ITFG2: variants seen among roughly 807,000 people sequenced by gnomAD.
ITFG2 encodes KICSTOR complex protein ITFG2.
In ITFG2, 36 loss-of-function variants were observed where a neutral mutation model predicts 54.4. The ratio of observed to expected loss-of-function variants is 0.66; its 90% CI spans 0.51 to 0.87. The LOEUF is 0.87. Among genes scored for constraint, ITFG2 ranks in the 40% least tolerant of loss-of-function variants. The pLI is 0.00. For synonymous variants in ITFG2, 211 were observed against 225.4 expected (o/e 0.94, Z 0.57); for missense variants, 524 against 576.7 (o/e 0.91, Z 0.94).
chr12:2,855,531 A>C, intron 2 of ITFG2: 2 of 1,067,736 alleles, frequency 1.9e-6, no homozygotes, highest in Non-Finnish European at 2.5e-6. Context: ...TCTCCTTCCC[A>C]GGCACGACCT....
At chr12:2,819,823 C>A (rs114769357) in intron 4 of ITFG2, 1 of 305,368 alleles carries the variant, frequency 3.3e-6, no homozygotes, top group Non-Finnish European at 6.0e-6. Context: ...GTGGGAGATA[C>A]GTGGGATGAA....
intron 2 of ITFG2, chr12:2,855,380 TG>T: frequency 9.8e-7 from 1 of 1,022,512 alleles, no homozygotes; most frequent in Non-Finnish European, 1.3e-6. Flanking sequence ...CAGGACTCGC[TG>T]GGGAGGAAGA....
In ITFG2 at chr12:2,824,308, C is replaced by A; in HGVS notation, c.*115C>A. On this transcript the variant is annotated 3_prime_UTR_variant, in exon 12 of 12. Transcript: ENST00000228799. ...TGCATTACAGAAATGCAGGATTTGA[C>A]TCTGGGCATGAAAGATGGCAGCAGC... 1 of 1,111,114 alleles carries A rather than the reference C, an allele frequency of 9.0e-7. No homozygotes were observed. The highest frequency in any genetic ancestry group is 1.3e-6 in the Non-Finnish European group (1 of 745,542). The allele number at this position is 1,111,114 out of a possible 1,614,324, so 68.8% of individuals were successfully genotyped here.
In ITFG2 at chr12:2,857,213, G is replaced by T. The variant is rs28919878; in HGVS notation, n.301-799G>T. ...TACTTTTCAGGTTAGACAGGCAGGGGATAGCACTTTCTTCAAGTTCTGACT... is the reference window on the plus strand; with the variant it reads ...TACTTTTCAGGTTAGACAGGCAGGGTATAGCACTTTCTTCAAGTTCTGACT... On this transcript the variant is annotated intron_variant and non_coding_transcript_variant, in intron 2 of 3. Coordinates refer to the ITFG2 transcript ENST00000537710. 2,130 of 607,182 alleles carry T rather than the reference G, an allele frequency of 3.5e-3. 30 individuals are homozygous for T. The highest frequency in any genetic ancestry group is 0.035 in the African/African-American group (1,891 of 54,118). 37.6% of individuals were successfully genotyped at this position (607,182 alleles called of 1,614,324 possible). A position where few individuals can be genotyped will look rare whatever the true frequency, so the allele number is the denominator to read the frequency against.
chr12:2,820,176 A>T lies in ITFG2; in HGVS notation c.497A>T (p.His166Leu), dbSNP rs2097938455. Residue 166 changes from histidine (H) to leucine (L), a missense_variant, in exon 5 of 12, where the codon CAT (histidine) becomes CTT (leucine). By Grantham distance (99) the His-to-Leu change is moderately conservative (BLOSUM62 -3). Coordinates refer to ENST00000228799, the MANE Select transcript of ITFG2 (RefSeq NM_018463.4). ...RWEELGEGPE[H>L]LTGQLVSLKK... ...GAGGAGCTAGGTGAGGGTCCTGAACATCTGACAGGGCAGCTGGTGTCCCTC... is the reference window on the plus strand; with the variant it reads ...GAGGAGCTAGGTGAGGGTCCTGAACTTCTGACAGGGCAGCTGGTGTCCCTC... 2 of 1,613,656 alleles carry T rather than the reference A, an allele frequency of 1.2e-6. No homozygotes were observed. The highest frequency in any genetic ancestry group is 1.7e-6 in the Non-Finnish European group (2 of 1,179,856).
chr12:2,825,337 G>A (rs1301116316), downstream of ITFG2: 1 of 152,280 alleles, frequency 6.6e-6, no homozygotes, highest in African/African-American at 2.4e-5. Context: ...GACCAGAGAA[G>A]AACATCGACA....
At chr12:2,827,644 T>G, downstream of ITFG2, 1 of 1,614,196 alleles carries the variant, frequency 6.2e-7, no homozygotes. The surrounding 1 kb of genome is among the most constrained non-coding windows in gnomAD (Gnocchi z 4.0). Context: ...AAGCAGAGTC[T>G]GCAGGCCCAG....
At chr12:2,813,678 C>T (rs1176016936) in intron 1 of ITFG2, among the ~76,000 whole-genome samples, 1 of 152,116 alleles carries the variant, frequency 6.6e-6, no homozygotes, top group Non-Finnish European at 1.5e-5. Context: ...ATGCAAAGCA[C>T]TGTATTGCCC....
In ITFG2 at chr12:2,855,281, G is replaced by A. The variant is rs183531122; in HGVS notation, n.301-2731G>A. The A allele has an allele frequency of 3.5e-4, 539 of 1,519,188 alleles. 1 individual carries two copies. Among genetic ancestry groups the A allele is most frequent in the African/African-American group, 2.9e-3 (210 of 72,820 alleles). 94.1% of individuals were successfully genotyped at this position (1,519,188 alleles called of 1,614,324 possible). A position where few individuals can be genotyped will look rare whatever the true frequency, so the allele number is the denominator to read the frequency against. On this transcript the variant is annotated intron_variant and non_coding_transcript_variant, in intron 2 of 3. Transcript: ENST00000537710. Reference sequence around the variant, plus strand: ...CCACCCTTCCAAGGGTGGATGAGCCGCTGACGCACCTTGGACTTCATATCT... The same window carrying A: ...CCACCCTTCCAAGGGTGGATGAGCCACTGACGCACCTTGGACTTCATATCT...
chr12:2,854,808 G>T (rs1377754230), intron 2 of ITFG2: 9 of 1,343,656 alleles, frequency 6.7e-6, no homozygotes, highest in Admixed American at 2.5e-5. Context: ...GAAGGACAGA[G>T]TCCCGGTTAG....
chr12:2,819,481 A>G (rs2097934787), intron 4 of ITFG2, among the ~76,000 whole-genome samples: 1 of 151,818 alleles, frequency 6.6e-6, no homozygotes, highest in Non-Finnish European at 1.5e-5. Flanking sequence ...AAAAAAAAAA[A>G]TGAGCTGAGC....
intron 1 of ITFG2, among the ~76,000 whole-genome samples, chr12:2,813,630 A>G (rs1411437728): frequency 1.3e-5 from 2 of 152,050 alleles, no homozygotes; most frequent in Non-Finnish European, 2.9e-5. Context: ...TTTTTTGCAG[A>G]CTTTATCTTT....
downstream of ITFG2, chr12:2,828,479 C>A: frequency 8.4e-7 from 1 of 1,187,886 alleles, no homozygotes; most frequent in Non-Finnish European, 1.2e-6. Flanking sequence ...TTGGATCCTT[C>A]AGTTTCCCAG....
In ITFG2 at chr12:2,821,479, C is replaced by T. The variant is rs61916645; in HGVS notation, c.794-64C>T. 342 of 1,580,028 alleles carry T rather than the reference C, an allele frequency of 2.2e-4. 1 individual carries two copies. In the African/African-American group the frequency reaches 3.8e-3, roughly 18 times the overall value. On this transcript the variant is annotated intron_variant, in intron 7 of 11. Coordinates refer to ENST00000228799, the MANE Select transcript of ITFG2 (RefSeq NM_018463.4). ...GTCCTTCCCCTGCTGCTGCAGAACA[C>T]CCCTCTCCCCGTAGGCTCTGACCTT...
At chr12:2,852,161 C>T (rs2098073106) in intron 2 of ITFG2, among the ~76,000 whole-genome samples, 1 of 152,168 alleles carries the variant, frequency 6.6e-6, no homozygotes, top group Admixed American at 6.5e-5. Flanking sequence ...CCTGCCTTCT[C>T]TGGGGACCTA....
At chr12:2,812,994 CTT>C in intron 1 of ITFG2, 138 bp downstream of exon 1, 1 of 652,674 alleles carries the variant, frequency 1.5e-6, no homozygotes, top group Admixed American at 2.5e-5. Flanking sequence ...GAGAGAAAAA[CTT>C]TATTGATAGC....
chr12:2,856,594 C>T (rs1032686167), intron 2 of ITFG2, among the ~76,000 whole-genome samples: 2 of 152,202 alleles, frequency 1.3e-5, no homozygotes, highest in African/African-American at 4.8e-5. Context: ...AACTCCTAAC[C>T]TCAGGTGAAC....
At chr12:2,835,609 C>T (rs1487240494), upstream of ITFG2, 1 of 152,130 alleles carries the variant, frequency 6.6e-6, no homozygotes, top group Non-Finnish European at 1.5e-5. Context: ...AGAAATTGTC[C>T]CTGGCATCTC....
At chr12:2,844,323 G>T (rs2098048360) in intron 2 of ITFG2, among the ~76,000 whole-genome samples, 1 of 152,158 alleles carries the variant, frequency 6.6e-6, no homozygotes. Context: ...GGAGGCTGAG[G>T]TGGGCGGATC....
Sources: allele counts gnomAD v4.1 joint callset (sites outside exome capture counted in the v4.1 genomes callset), GRCh38; gene constraint gnomAD v4.1.1; non-coding constraint Gnocchi (gnomAD v3.1); transcripts MANE v1.5; gene names NCBI Gene and HGNC (gene_info 2026-07-23, HGNC 2026-07-21).